Variants in ZNF236 observed in about 807,000 individuals in gnomAD.
ZNF236 encodes regulated by glucose.
Under a neutral mutation model 191.2 loss-of-function variants are expected in ZNF236, and 50 were observed. That is an observed-to-expected ratio of 0.26 (90% CI 0.21 to 0.33). The LOEUF is 0.33. ZNF236 is among the 10% of genes least tolerant of loss of function. The probability of loss-of-function intolerance (pLI) is 1.00; values close to 1 mark genes in which losing one functional copy is unlikely to be tolerated. For missense variants in ZNF236, 1,754 were observed against 2,374.5 expected (o/e 0.74, Z 5.43); for synonymous variants, 907 against 928.8 (o/e 0.98, Z 0.43).
At chr18:76,965,779 GT>G (rs576340227) in intron 30 of ZNF236, among the ~76,000 whole-genome samples, 108 of 152,336 alleles carry the variant, frequency 7.1e-4, no homozygotes, top group African/African-American at 2.6e-3. Flanking sequence ...GCCTGTTCCG[GT>G]GGAGATGGCA....
intron 1 of ZNF236, among the ~76,000 whole-genome samples, chr18:76,831,774 C>T (rs1975172698): frequency 6.6e-6 from 1 of 152,140 alleles, no homozygotes; most frequent in Admixed American, 6.5e-5. Context: ...TTGCAATTTC[C>T]ATCGTATGTT....
At chr18:76,963,701 T>G (rs1968712612) in intron 30 of ZNF236, among the ~76,000 whole-genome samples, 1 of 152,128 alleles carries the variant, frequency 6.6e-6, no homozygotes, top group African/African-American at 2.4e-5. Flanking sequence ...TCCATCTGGT[T>G]GTGGACTTTG....
chr18:76,919,149 T>C lies in ZNF236; in HGVS notation c.3275-627T>C, dbSNP rs1307096357. Among the ~76,000 whole-genome samples the C allele has an allele frequency of 1.3e-5, 2 of 152,208 alleles. No homozygotes were observed. The highest frequency in any genetic ancestry group is 2.9e-5 in the Non-Finnish European group (2 of 68,032). On this transcript the variant is annotated intron_variant, in intron 19 of 30. Coordinates refer to ENST00000320610, the MANE Select transcript of ZNF236 (RefSeq NM_001306089.2). This position sits in a 1 kb window ranked among gnomAD's most constrained non-coding sequence, Gnocchi z 5.3. Reference sequence around the variant, plus strand: ...GAATATCTATATTTATGAATACCGGTAGCTTGTGTGGACACTGTCAGCCTC... The same window carrying C: ...GAATATCTATATTTATGAATACCGGCAGCTTGTGTGGACACTGTCAGCCTC...
At chr18:76,845,814 A>G (rs1365048509) in intron 1 of ZNF236, among the ~76,000 whole-genome samples, 1 of 152,070 alleles carries the variant, frequency 6.6e-6, no homozygotes, top group African/African-American at 2.4e-5. Context: ...GCACCATTGC[A>G]CTACAGCCTG....
rs1329041326 is a variant in ZNF236, at chr18:76,968,798, TACAAC to T, written c.*463_*467del. The T allele has an allele frequency of 6.1e-6, 6 of 989,844 alleles. No homozygotes were observed. Among genetic ancestry groups the T allele is most frequent in the Admixed American group, 6.1e-5 (1 of 16,316 alleles). 61.3% of individuals were successfully genotyped at this position (989,844 alleles called of 1,614,324 possible). ...GCATGAAGTTCAGAAAAAAAAGTGTTACAACACACAGGGAAGTTTTTTCCACTCTT... is the reference window on the plus strand; with the variant it reads ...GCATGAAGTTCAGAAAAAAAAGTGTTACACAGGGAAGTTTTTTCCACTCTT... On this transcript the variant is annotated 3_prime_UTR_variant, in exon 31 of 31. Transcript: ENST00000320610.
At position 76,968,731 on chromosome 18, in the gene ZNF236, G is replaced by C. The variant is rs1968845884; in HGVS notation, c.*392G>C. 1.0e-6 allele frequency: 1 copy of C among 998,680 alleles called. No homozygotes were observed. The highest frequency in any genetic ancestry group is 1.7e-5 in the African/African-American group (1 of 57,372). The allele number at this position is 998,680 out of a possible 1,614,324, so 61.9% of individuals were successfully genotyped here. A position where few individuals can be genotyped will look rare whatever the true frequency, so the allele number is the denominator to read the frequency against. ...ATGTCAGATTTTCCTTCATGTTTCT[G>C]GTTATAAGAAGCATAGCTTACAAAG... On this transcript the variant is annotated 3_prime_UTR_variant, in exon 31 of 31. Transcript: ENST00000320610.
chr18:76,851,825 G>C lies in ZNF236; in HGVS notation c.249G>C (p.Leu83=), dbSNP rs749559739. 1 of 1,614,000 alleles carries C rather than the reference G, an allele frequency of 6.2e-7. No homozygotes were observed. The highest frequency in any genetic ancestry group is 1.1e-5 in the South Asian group (1 of 91,024). The stretch of plus-strand genomic sequence containing the variant: ...AAACATTTAATGTTGAATTCAACCT[G>C]ACACTTCATAAATGCACCCACAGCG... The part of the protein sequence containing the change: ...CPQTFNVEFN[L]TLHKCTHSGE... Residue 83 remains leucine (L), a synonymous_variant, in exon 3 of 31, where the codon CTG becomes CTC. Transcript: ENST00000320610.
intron 9 of ZNF236, chr18:76,885,770 G>A (rs1977032100): frequency 6.6e-6 from 1 of 152,406 alleles, no homozygotes; most frequent in South Asian, 2.0e-4. Context: ...GAGCAGACAA[G>A]AGGAACAGAA....
chr18:76,823,155 C>G (rs547774008), intron 1 of ZNF236, among the ~76,000 whole-genome samples: 20 of 151,990 alleles, frequency 1.3e-4, no homozygotes, highest in Admixed American at 7.2e-4. Context: ...CCGGCTGCCC[C>G]GGGGACGTTG....
chr18:76,935,263 A>G (rs17060109), intron 25 of ZNF236, among the ~76,000 whole-genome samples: 36,968 of 152,194 alleles, frequency 0.24, 5,351 homozygotes, highest in East Asian at 0.32. Flanking sequence ...TGGAACCGGT[A>G]TCATCCTCTT....
chr18:76,831,340 A>C (rs1975163635), intron 1 of ZNF236, among the ~76,000 whole-genome samples: 1 of 152,194 alleles, frequency 6.6e-6, no homozygotes. Context: ...TGAGTAAGAC[A>C]TGCATTCCTC....
chr18:76,869,892 G>A (rs1446269898), intron 4 of ZNF236, among the ~76,000 whole-genome samples: 3 of 152,142 alleles, frequency 2.0e-5, no homozygotes, highest in Non-Finnish European at 4.4e-5. Flanking sequence ...GAAGGTGGAG[G>A]TTGCAGTGAG....
chr18:76,853,982 C>T (rs1975962493), intron 3 of ZNF236, among the ~76,000 whole-genome samples: 1 of 150,620 alleles, frequency 6.6e-6, no homozygotes, highest in African/African-American at 2.4e-5. Flanking sequence ...TGCACTCCAG[C>T]CTGGGCAACA....
At chr18:76,912,166 A>G (rs2122771001) in intron 16 of ZNF236, 78 bp from the exon 17 acceptor site, 1 of 1,036,868 alleles carries the variant, frequency 9.6e-7, no homozygotes, top group South Asian at 1.5e-5. Context: ...TCTTATCCTT[A>G]GTTCTTAGCT....
intron 1 of ZNF236, chr18:76,824,267 TGTC>T (rs1284585381): frequency 1.0e-5 from 8 of 777,524 alleles, no homozygotes; most frequent in East Asian, 4.9e-5. Context: ...CAGGAATTCT[TGTC>T]GTGATTGCAC....
intron 4 of ZNF236, among the ~76,000 whole-genome samples, chr18:76,871,329 T>A (rs562152807): frequency 4.1e-4 from 62 of 152,180 alleles, no homozygotes; most frequent in African/African-American, 1.4e-3. Flanking sequence ...ATGCAGATGG[T>A]GCGGAGAGCA....
chr18:76,852,955 G>A (rs1975923932), intron 3 of ZNF236, among the ~76,000 whole-genome samples: 1 of 152,198 alleles, frequency 6.6e-6, no homozygotes, highest in Non-Finnish European at 1.5e-5. Context: ...CTCCCTGTCA[G>A]CCACACGCTT....
At chr18:76,898,983 G>A in intron 10 of ZNF236, 36 bp from the exon 11 acceptor site, 1 of 1,558,096 alleles carries the variant, frequency 6.4e-7, no homozygotes, top group Non-Finnish European at 8.8e-7. Flanking sequence ...TGTAATTTCT[G>A]GAAATAATTC....
At chr18:76,898,973 T>C in intron 10 of ZNF236, 46 bp from the exon 11 acceptor site, 2 of 1,505,320 alleles carry the variant, frequency 1.3e-6, no homozygotes, top group African/African-American at 1.4e-5. Flanking sequence ...GCTGTTGAGA[T>C]GTAATTTCTG....
Sources: gnomAD v4.1 joint callset for allele counts (sites outside exome capture counted in the v4.1 genomes callset) on GRCh38, gnomAD v4.1.1 for gene constraint, Gnocchi (gnomAD v3.1) non-coding constraint, MANE v1.5 for transcripts, NCBI Gene and HGNC (gene_info 2026-07-23, HGNC 2026-07-21) for gene names.